The following FGF12 variants were observed in gnomAD, a reference collection of about 807,000 sequenced individuals.
FGF12 encodes the protein fibroblast growth factor 12.
Under a neutral mutation model 23.6 loss-of-function variants are expected in FGF12, and 14 were observed. The observed-to-expected ratio is 0.59, with a 90% CI of 0.39 to 0.93. The LOEUF is 0.93. Among genes scored for constraint, FGF12 ranks in the 40% least tolerant of loss-of-function variants. The pLI, the probability that FGF12 is intolerant of heterozygous loss-of-function variation, is 0.00. For synonymous variants in FGF12, 62 were observed against 77.3 expected (o/e 0.80, Z 1.04); for missense variants, 175 against 217.8 (o/e 0.80, Z 1.24).
chr3:192,549,974 C>T (rs981810269), intron 2 of FGF12, among the ~76,000 whole-genome samples: 2 of 152,104 alleles, frequency 1.3e-5, no homozygotes, highest in Admixed American at 6.6e-5. Flanking sequence ...CCTCCAAAAA[C>T]ATGTGAGCCA....
intron 2 of FGF12, among the ~76,000 whole-genome samples, chr3:192,520,676 A>G (rs1724793774): frequency 6.6e-6 from 1 of 152,186 alleles, no homozygotes; most frequent in Non-Finnish European, 1.5e-5. Flanking sequence ...GTGAAACGTT[A>G]CTATGGTACT....
intron 4 of FGF12, among the ~76,000 whole-genome samples, chr3:192,204,123 A>C (rs1262256448): frequency 4.6e-5 from 7 of 152,190 alleles, no homozygotes; most frequent in Non-Finnish European, 5.9e-5. Flanking sequence ...TATTAGATGA[A>C]GGTCACCCAA....
At chr3:192,695,144 GA>G (rs1478542520) in intron 2 of FGF12, among the ~76,000 whole-genome samples, 1 of 151,838 alleles carries the variant, frequency 6.6e-6, no homozygotes, top group Non-Finnish European at 1.5e-5. Context: ...TATACAATCA[GA>G]AAAAAAGAAA....
In FGF12 at chr3:192,377,486, G is replaced by C. The variant is rs963169039; in HGVS notation, c.14-16948C>G. Reference sequence around the variant, plus strand: ...CAGCAGATTCACCTATTTTAAGTGGGAGGCAGAGTCATTTCGTAACAGCTC... The same window carrying C: ...CAGCAGATTCACCTATTTTAAGTGGCAGGCAGAGTCATTTCGTAACAGCTC... On this transcript the variant is annotated intron_variant, in intron 2 of 5. Transcript: ENST00000445105. 2.2e-4 allele frequency among the ~76,000 whole-genome samples: 33 copies of C among 152,304 alleles called. 1 individual carries two copies. The highest frequency in any genetic ancestry group is 1.2e-3 in the South Asian group (6 of 4,824).
intron 2 of FGF12, among the ~76,000 whole-genome samples, chr3:192,637,481 C>A (rs557409784): frequency 1.3e-5 from 2 of 152,276 alleles, no homozygotes; most frequent in East Asian, 3.9e-4. Context: ...TCAAATTTCA[C>A]CTCTGCCACT....
At chr3:192,647,550 C>T (rs1716049149) in intron 2 of FGF12, among the ~76,000 whole-genome samples, 1 of 151,698 alleles carries the variant, frequency 6.6e-6, no homozygotes, top group African/African-American at 2.4e-5. Flanking sequence ...AAAAAGTGGA[C>T]TTATCAATTT....
intron 2 of FGF12, among the ~76,000 whole-genome samples, chr3:192,430,360 A>T (rs932551984): frequency 6.6e-6 from 1 of 152,186 alleles, no homozygotes; most frequent in African/African-American, 2.4e-5. Flanking sequence ...CAGGAGCTGG[A>T]TAAGGGGAAA....
At chr3:192,646,330 A>G (rs1716004738) in intron 2 of FGF12, among the ~76,000 whole-genome samples, 2 of 152,224 alleles carry the variant, frequency 1.3e-5, no homozygotes, top group Non-Finnish European at 2.9e-5. Flanking sequence ...CATTTCCAGC[A>G]CAGTATGGTA....
intron 3 of FGF12, among the ~76,000 whole-genome samples, chr3:192,354,490 A>G (rs1353096141): frequency 6.6e-6 from 1 of 151,948 alleles, no homozygotes; most frequent in Non-Finnish European, 1.5e-5. Context: ...ACAGAATTAG[A>G]AAAAAAAGGT....
chr3:192,600,870 G>A (rs969298037), intron 2 of FGF12, among the ~76,000 whole-genome samples: 22 of 150,726 alleles, frequency 1.5e-4, no homozygotes, highest in African/African-American at 2.5e-4. Flanking sequence ...TCATAACACC[G>A]CTATGGAAAA....
At position 192,555,035 on chromosome 3, in the gene FGF12, T is replaced by C. The variant is rs193226185; in HGVS notation, c.13+172146A>G. ...GAGTAAAGAAAGACTAAGAAACTTA[T>C]GGCACATGATCAAGGTGTTCATTAT... On this transcript the variant is annotated intron_variant, in intron 2 of 5. Transcript: ENST00000445105. 8.7e-4 allele frequency among the ~76,000 whole-genome samples: 132 copies of C among 152,170 alleles called. 2 individuals are homozygous for C. Among genetic ancestry groups the C allele is most frequent in the Admixed American group, 3.7e-3 (56 of 15,282 alleles).
chr3:192,466,661 T>G (rs1723020170), intron 2 of FGF12, among the ~76,000 whole-genome samples: 1 of 152,204 alleles, frequency 6.6e-6, no homozygotes, highest in Non-Finnish European at 1.5e-5. Context: ...TACCTTAATT[T>G]TCTTAGTTAA....
intron 2 of FGF12, among the ~76,000 whole-genome samples, chr3:192,379,381 T>C (rs1400757243): frequency 5.0e-5 from 7 of 139,798 alleles, no homozygotes; most frequent in South Asian, 2.3e-4. Flanking sequence ...AAGAAATCCC[T>C]ACACCTTCCA....
At chr3:192,311,927 GTCTATCTATCTATCTATCTA>G (rs35183560) in intron 4 of FGF12, among the ~76,000 whole-genome samples, 43 of 145,464 alleles carry the variant, frequency 3.0e-4, no homozygotes, top group African/African-American at 1.0e-3. Context: ...TTGACTGTCT[GTCTATCTATCTATCTATCTA>G]TCTATCTATC....
intron 2 of FGF12, among the ~76,000 whole-genome samples, chr3:192,411,442 G>A (rs1045715052): frequency 9.2e-5 from 14 of 152,200 alleles, no homozygotes; most frequent in Non-Finnish European, 1.0e-4. Flanking sequence ...GCTGAATGAA[G>A]ACAGTGGATA....
chr3:192,494,907 C>G (rs9827651), intron 2 of FGF12, among the ~76,000 whole-genome samples: 1,766 of 152,218 alleles, frequency 0.012, 29 homozygotes, highest in African/African-American at 0.038. Flanking sequence ...GTCACCCAGG[C>G]TAGAGTGCAG....
chr3:192,683,962 A>T (rs924927914), intron 2 of FGF12, among the ~76,000 whole-genome samples: 2 of 152,230 alleles, frequency 1.3e-5, no homozygotes, highest in African/African-American at 2.4e-5. Flanking sequence ...CTTTTGTGAA[A>T]GGTCAACTTA....
intron 5 of FGF12, among the ~76,000 whole-genome samples, chr3:192,162,962 G>C (rs1334941982): frequency 6.6e-6 from 1 of 152,060 alleles, no homozygotes; most frequent in Non-Finnish European, 1.5e-5. Flanking sequence ...AATGAAAAAG[G>C]CATTTCATGT....
intron 2 of FGF12, among the ~76,000 whole-genome samples, chr3:192,602,858 TTCCTAGGAGGCA>T (rs1714172606): frequency 6.6e-6 from 1 of 152,114 alleles, no homozygotes; most frequent in African/African-American, 2.4e-5. Context: ...GTAAGCTTCT[TTCCTAGGAGGCA>T]ACGTTGGTTC....
Sources: allele counts gnomAD v4.1 joint callset (sites outside exome capture counted in the v4.1 genomes callset), GRCh38; gene constraint gnomAD v4.1.1; transcripts MANE v1.5; gene names NCBI Gene and HGNC (gene_info 2026-07-23, HGNC 2026-07-21).